The following ATP13A1 variants were observed in gnomAD, a reference collection of about 807,000 sequenced individuals.
The protein encoded by ATP13A1 is ATPase 13A1, also known as endoplasmic reticulum transmembrane helix translocase.
ATP13A1 carries 55 observed loss-of-function variants against 134.8 expected under a neutral mutation model. That is an observed-to-expected ratio of 0.41 (90% CI 0.33 to 0.51). ATP13A1 has a LOEUF of 0.51. Among genes scored for constraint, ATP13A1 ranks in the 20% least tolerant of loss-of-function variants. ATP13A1 has a pLI of 0.29. For synonymous variants in ATP13A1, 775 were observed against 725.1 expected (o/e 1.07, Z -1.10); for missense variants, 1,389 against 1,652.8 (o/e 0.84, Z 2.77).
In ATP13A1 at chr19:19,646,367, G is replaced by C. The variant is rs771206352; in HGVS notation, c.3106-20C>G. 1 of 1,613,146 alleles carries C rather than the reference G, an allele frequency of 6.2e-7. No homozygotes were observed. Among genetic ancestry groups the C allele is most frequent in the African/African-American group, 1.3e-5 (1 of 74,900 alleles). Reference sequence around the variant, plus strand: ...GAGGGGCTGCAGCAGCAAGGCGGGTGGGGGAGTCAGGATCTGGCTCACTTG... The same window carrying C: ...GAGGGGCTGCAGCAGCAAGGCGGGTCGGGGAGTCAGGATCTGGCTCACTTG... On this transcript the variant is annotated intron_variant, in intron 22 of 25. Transcript: ENST00000357324.
intron 3 of ATP13A1, among the ~76,000 whole-genome samples, chr19:19,658,157 A>G (rs1375379563): frequency 1.3e-5 from 2 of 150,460 alleles, no homozygotes; most frequent in Admixed American, 1.3e-4. Context: ...TCCAAAAAAA[A>G]AAAAAAAAAA....
At chr19:19,652,418 G>C (rs2062030594) in intron 16 of ATP13A1, among the ~76,000 whole-genome samples, 177 bp downstream of exon 16, 1 of 152,202 alleles carries the variant, frequency 6.6e-6, no homozygotes. Flanking sequence ...AGCCAGCACA[G>C]GCGGGTCCCA....
In ATP13A1 at chr19:19,654,008, G is replaced by T; in HGVS notation, c.1950C>A (p.Ile650=). The T allele has an allele frequency of 6.3e-7, 1 of 1,599,040 alleles. No homozygotes were observed. Among genetic ancestry groups the T allele is most frequent in the South Asian group, 1.1e-5 (1 of 88,404 alleles). ...TTTCGGGGGCCCCCTTCACGGCCGC[G>T]ATGTAGCAGAGGTCGGTGGAGCCCA... ...EKLGSTDLCY[I]AAVKGAPETL... is the part of the protein sequence containing the mutation. Residue 650 remains isoleucine (I), a synonymous_variant, in exon 14 of 26, where the codon ATC becomes ATA. Coordinates refer to ENST00000357324, the MANE Select transcript of ATP13A1 (RefSeq NM_020410.3).
Position 19,653,032 on chromosome 19 carries a change from A to G in ATP13A1, c.2101-312T>C. 1 of 334,418 alleles carries G rather than the reference A, an allele frequency of 3.0e-6. No individual in the cohort carries two copies. Among genetic ancestry groups the G allele is most frequent in the South Asian group, 3.9e-5 (1 of 25,640 alleles). The allele number at this position is 334,418 out of a possible 1,614,324, so 20.7% of individuals were successfully genotyped here. ...TCAATGAAGTAGGGACTCTCCCAAT[A>G]ATGTTGGAGTTTAGCCAGGAACTCT... On this transcript the variant is annotated intron_variant, in intron 15 of 25. Coordinates refer to ENST00000357324, the MANE Select transcript of ATP13A1 (RefSeq NM_020410.3). The surrounding 1 kb of genome is among the most constrained non-coding windows in gnomAD (Gnocchi z 4.2).
chr19:19,661,968 G>T, intron 1 of ATP13A1: 1 of 1,455,380 alleles, frequency 6.9e-7, no homozygotes, highest in Non-Finnish European at 9.4e-7. Context: ...TTCTCAAGAT[G>T]GCACCCAGTA....
At chr19:19,649,055 G>A (rs975571322) in intron 19 of ATP13A1, among the ~76,000 whole-genome samples, 1 of 152,000 alleles carries the variant, frequency 6.6e-6, no homozygotes, top group East Asian at 1.9e-4. Context: ...CCGGGAGATG[G>A]AGGTTGCAGT....
rs550986141 is a variant in ATP13A1 at position 19,647,603 on chromosome 19, T to C, written c.2789A>G (p.Gln930Arg). 2.5e-6 allele frequency: 4 copies of C among 1,613,546 alleles called. No individual in the cohort carries two copies. The highest frequency in any genetic ancestry group is 2.2e-5 in the South Asian group (2 of 91,068). ...LPPSEEQPTS[Q>R]RDRLSQVLRD... is the part of the protein sequence containing the mutation. ...ACCTCCCCTCTTGGGACTCACCCTC[T>C]GGGAGGTTGGCTGCTCCTCGGAGGG... Residue 930 changes from glutamine to arginine, a missense_variant, in exon 20 of 26, where the codon CAG becomes CGG. Physicochemically the swap from Gln to Arg is conservative, Grantham distance 43 (BLOSUM62 1). Around this residue, in one of 4 missense-constraint regions of ATP13A1, gnomAD observed 121 missense variants for 104.9 expected, o/e 1.15. Transcript: ENST00000357324. The surrounding 1 kb of genome is among the most constrained non-coding windows in gnomAD (Gnocchi z 4.8).
rs1433848930 is a variant in ATP13A1, at chr19:19,653,650, G to A, written c.2100+134C>T. ...TGAGTGCCATTTGGAGTCTCCAAAG[G>A]TAGAAGCTGGAGGCGGGGCAAGGAG... On this transcript the variant is annotated intron_variant, in intron 15 of 25. Transcript: ENST00000357324. The surrounding 1 kb of genome is among the most constrained non-coding windows in gnomAD (Gnocchi z 4.2). 18 of 837,840 alleles carry A rather than the reference G, an allele frequency of 2.1e-5. No individual in the cohort carries two copies. Among genetic ancestry groups the A allele is most frequent in the Middle Eastern group, 7.1e-4 (2 of 2,818 alleles). The allele number at this position is 837,840 out of a possible 1,614,324, so 51.9% of individuals were successfully genotyped here.
In ATP13A1 at chr19:19,656,188, G is replaced by T. The variant is rs750442628; in HGVS notation, c.1084-5C>A. ...GCTGAGGTCTTCGATGGGCTCCTGG[G>T]GAGGAAGATCGTGAATCTGGATGGC... On this transcript the variant is annotated splice_region_variant and splice_polypyrimidine_tract_variant and intron_variant, in intron 7 of 25. Coordinates refer to ENST00000357324, the MANE Select transcript of ATP13A1 (RefSeq NM_020410.3). The surrounding 1 kb of genome is among the most constrained non-coding windows in gnomAD (Gnocchi z 4.6). The T allele has an allele frequency of 6.3e-7, 1 of 1,597,202 alleles. No homozygotes were observed. Among genetic ancestry groups the T allele is most frequent in the African/African-American group, 1.3e-5 (1 of 74,538 alleles).
Position 19,650,235 on chromosome 19 carries a change from G to T in ATP13A1, c.2336-295C>A. 9.6e-6 allele frequency: 5 copies of T among 522,618 alleles called. No homozygotes were observed. In the East Asian group the frequency reaches 1.7e-4, roughly 17 times the overall value. 32.4% of individuals were successfully genotyped at this position (522,618 alleles called of 1,614,324 possible). A position where few individuals can be genotyped will look rare whatever the true frequency, so the allele number is the denominator to read the frequency against. The stretch of plus-strand genomic sequence containing the variant: ...TAAGCCATGCCCCCACCTCATGCAA[G>T]GCCCCCTAACCTGAAACACACAGAA... On this transcript the variant is annotated intron_variant, in intron 17 of 25. Transcript: ENST00000357324.
chr19:19,645,581 A>C lies in ATP13A1; in HGVS notation c.3505-49T>G. The C allele has an allele frequency of 6.4e-7, 1 of 1,563,438 alleles. No homozygotes were observed. Among genetic ancestry groups the C allele is most frequent in the Non-Finnish European group, 8.7e-7 (1 of 1,154,006 alleles). The stretch of plus-strand genomic sequence containing the variant: ...GAGCTGGAGACCTGCAGCCCAGCTC[A>C]GGGTCACTGCCATAGGAGGGACCCA... On this transcript the variant is annotated intron_variant, in intron 25 of 25. Transcript: ENST00000357324. This position sits in a 1 kb window ranked among gnomAD's most constrained non-coding sequence, Gnocchi z 4.1.
intron 3 of ATP13A1, among the ~76,000 whole-genome samples, chr19:19,658,277 C>T (rs753747386): frequency 1.3e-5 from 2 of 151,960 alleles, no homozygotes; most frequent in African/African-American, 2.4e-5. Context: ...GGGTCATTCT[C>T]GCTCTGCCCT....
At chr19:19,654,383 T>C (rs1045473682) in intron 13 of ATP13A1, among the ~76,000 whole-genome samples, 160 bp downstream of exon 13, 2 of 152,136 alleles carry the variant, frequency 1.3e-5, no homozygotes, top group African/African-American at 4.8e-5. Flanking sequence ...GGACGTGGCC[T>C]ATCCTGGGTC....
At chr19:19,654,928 C>T (rs572068962) in intron 12 of ATP13A1, among the ~76,000 whole-genome samples, 191 bp downstream of exon 12, 1 of 152,300 alleles carries the variant, frequency 6.6e-6, no homozygotes, top group East Asian at 1.9e-4. Flanking sequence ...ATGTTCCAGG[C>T]CTGAGCTGAG....
At chr19:19,652,747 C>T in intron 15 of ATP13A1, 27 bp from the exon 16 acceptor site, 2 of 1,588,606 alleles carry the variant, frequency 1.3e-6, no homozygotes, top group Non-Finnish European at 8.5e-7. Context: ...GCACCCTCAC[C>T]ATCTGTCCCT....
rs775809131 is a variant in ATP13A1 at position 19,655,200 on chromosome 19, C to G, written c.1574G>C (p.Gly525Ala). ...GTCAAAGCAGCACACCTCGACCTTG[C>G]CAGCAAAGGGGATCCGGAAGGGCTC... ...CTEPFRIPFA[G>A]KVEVCCFDKT... The change falls in exon 12 of 26, where the codon GGC becomes GCC. Residue 525 changes from glycine (G) to alanine (A), a missense_variant. By Grantham distance (60) the Gly-to-Ala change is moderately conservative. This residue lies in a region of ATP13A1 where 747 missense variants were observed against 956.1 expected (regional missense o/e 0.78). Transcript: ENST00000357324. The surrounding 1 kb of genome is among the most constrained non-coding windows in gnomAD (Gnocchi z 5.7). The G allele has an allele frequency of 6.2e-7, 1 of 1,614,004 alleles. No homozygotes were observed. The highest frequency in any genetic ancestry group is 1.1e-5 in the South Asian group (1 of 91,088).
intron 15 of ATP13A1, 50 bp from the exon 16 acceptor site, chr19:19,652,770 ACT>A: frequency 1.9e-6 from 3 of 1,558,364 alleles, no homozygotes; most frequent in Non-Finnish European, 2.6e-6. Flanking sequence ...CTCTGCCCAC[ACT>A]CTGCATTTCC....
intron 3 of ATP13A1, among the ~76,000 whole-genome samples, chr19:19,658,919 A>ACGGCGAGACCC (rs1420034939): frequency 6.6e-6 from 1 of 152,102 alleles, no homozygotes; most frequent in African/African-American, 2.4e-5. Context: ...CCTGGGCAAC[A>ACGGCGAGACCC]CGGCGAGACC....
chr19:19,651,871 G>T, intron 16 of ATP13A1, 74 bp from the exon 17 acceptor site: 4 of 1,230,082 alleles, frequency 3.3e-6, no homozygotes, highest in Non-Finnish European at 4.6e-6. Flanking sequence ...AGGCTGCCAA[G>T]TCTCCTTCTA....
Sources: gnomAD v4.1 joint callset for allele counts (sites outside exome capture counted in the v4.1 genomes callset) on GRCh38, gnomAD v4.1.1 for gene constraint, gnomAD v4.1.1 regional missense constraint, Gnocchi (gnomAD v3.1) non-coding constraint, MANE v1.5 for transcripts, NCBI Gene and HGNC (gene_info 2026-07-23, HGNC 2026-07-21) for gene names.